Variants in WDFY2 observed in about 807,000 individuals in gnomAD.
WDFY2 encodes the protein WD repeat and FYVE domain containing 2, also known as WD repeat and FYVE domain-containing protein 2.
Under a neutral mutation model 56.4 loss-of-function variants are expected in WDFY2, and 36 were observed. The ratio of observed to expected loss-of-function variants is 0.64; its 90% CI spans 0.49 to 0.84. The LOEUF (loss-of-function observed/expected upper bound fraction) is 0.84. Among genes scored for constraint, WDFY2 ranks in the 40% least tolerant of loss-of-function variants. The pLI, the probability that WDFY2 is intolerant of heterozygous loss-of-function variation, is 0.00. For missense variants in WDFY2, 444 were observed against 512.2 expected, an observed-to-expected ratio of 0.87 and a Z score of 1.29; for synonymous variants, 176 against 183.7, an observed-to-expected ratio of 0.96 and a Z score of 0.34.
intron 3 of WDFY2, among the ~76,000 whole-genome samples, chr13:51,684,842 A>G (rs1313091735): frequency 1.3e-5 from 2 of 152,104 alleles, no homozygotes; most frequent in African/African-American, 4.8e-5. Flanking sequence ...GGATTGTTGC[A>G]GTAAGCCCTA....
At position 51,584,669 on chromosome 13, in the gene WDFY2, A is replaced by C. The variant is rs1363663990; in HGVS notation, c.-19A>C. ...GCGGCGCGGTTGGCGGCGGCGCCCC[A>C]GGCGCGCCCCCTCCTCCGATGGCGG... On this transcript the variant is annotated 5_prime_UTR_variant, in exon 1 of 12. Coordinates refer to ENST00000298125, the MANE Select transcript of WDFY2 (RefSeq NM_052950.4). The C allele has an allele frequency of 6.2e-7, 1 of 1,604,678 alleles. No individual in the cohort carries two copies. The highest frequency in any genetic ancestry group is 2.2e-5 in the East Asian group (1 of 44,670).
At chr13:51,620,863 C>T (rs182050942) in intron 1 of WDFY2, among the ~76,000 whole-genome samples, 4 of 152,260 alleles carry the variant, frequency 2.6e-5, no homozygotes, top group South Asian at 2.1e-4. Flanking sequence ...GGAAGTCGGA[C>T]GCACTCATCT....
intron 4 of WDFY2, among the ~76,000 whole-genome samples, chr13:51,713,051 AG>A (rs1952259730): frequency 1.3e-5 from 2 of 152,210 alleles, no homozygotes; most frequent in Admixed American, 1.3e-4. Flanking sequence ...GAAAAATTCA[AG>A]GAAGAGGCAA....
At chr13:51,660,036 G>A (rs900718684) in intron 1 of WDFY2, among the ~76,000 whole-genome samples, 2 of 152,180 alleles carry the variant, frequency 1.3e-5, no homozygotes, top group African/African-American at 4.8e-5. Flanking sequence ...ACACTATCAT[G>A]ATTACACATG....
intron 1 of WDFY2, among the ~76,000 whole-genome samples, chr13:51,597,235 C>T (rs915729617): frequency 2.0e-5 from 3 of 152,134 alleles, no homozygotes; most frequent in South Asian, 2.1e-4. Flanking sequence ...AGTGAACAAA[C>T]GGTTGAGTTC....
chr13:51,607,822 T>A (rs1257343225), intron 1 of WDFY2, among the ~76,000 whole-genome samples: 1 of 152,178 alleles, frequency 6.6e-6, no homozygotes, highest in Non-Finnish European at 1.5e-5. Context: ...ATCCTGTGAT[T>A]ATGTTACATG....
intron 1 of WDFY2, among the ~76,000 whole-genome samples, chr13:51,659,619 C>G (rs573626614): frequency 2.0e-4 from 31 of 152,330 alleles, no homozygotes; most frequent in African/African-American, 7.5e-4. Flanking sequence ...TACTTCCCAG[C>G]TAGTTGAGTC....
chr13:51,622,288 T>C (rs990755022), intron 1 of WDFY2, among the ~76,000 whole-genome samples: 3 of 152,204 alleles, frequency 2.0e-5, no homozygotes, highest in Non-Finnish European at 4.4e-5. Flanking sequence ...CCCCCCTCCT[T>C]TTTTTTGAGT....
intron 1 of WDFY2, among the ~76,000 whole-genome samples, chr13:51,601,853 C>G (rs1468343661): frequency 6.6e-6 from 1 of 152,142 alleles, no homozygotes; most frequent in Non-Finnish European, 1.5e-5. Flanking sequence ...GTGGAGCCTC[C>G]ATGGAAATCA....
Position 51,766,403 on chromosome 13 carries a change from A to C in WDFY2, c.*6634A>C, listed in dbSNP as rs1456581526. 6.6e-6 allele frequency: 1 copy of C among 152,214 alleles called. No homozygotes were observed. Among genetic ancestry groups the C allele is most frequent in the Non-Finnish European group, 1.5e-5 (1 of 68,044 alleles). 9.4% of individuals were successfully genotyped at this position (152,214 alleles called of 1,614,324 possible). A position where few individuals can be genotyped will look rare whatever the true frequency, so the allele number is the denominator to read the frequency against. ...AAGTCTGGACCTGGCTGCAGTGGGC[A>C]TATTACCGTATGGATATCTTTTTCT... On this transcript the variant is annotated 3_prime_UTR_variant, in exon 12 of 12. Coordinates refer to ENST00000298125, the MANE Select transcript of WDFY2 (RefSeq NM_052950.4).
intron 1 of WDFY2, among the ~76,000 whole-genome samples, chr13:51,630,888 C>T (rs1049045117): frequency 1.3e-5 from 2 of 151,604 alleles, no homozygotes; most frequent in African/African-American, 4.8e-5. Flanking sequence ...AAGCGATTCT[C>T]CTGCCTCAGC....
Position 51,743,876 on chromosome 13 carries a change from A to G in WDFY2, c.725+4701A>G, listed in dbSNP as rs150363035. 7.4e-4 allele frequency among the ~76,000 whole-genome samples: 113 copies of G among 152,364 alleles called. 1 individual carries two copies. The East Asian group carries it at 0.02, about 27-fold the overall frequency. ...AGGATTAGGAGGTTACCCAGAACAG[A>G]GAATGGCATGAACTAAAATACAGTG... On this transcript the variant is annotated intron_variant, in intron 7 of 11. Transcript: ENST00000298125.
intron 6 of WDFY2, among the ~76,000 whole-genome samples, chr13:51,734,456 C>T (rs1449201978): frequency 2.0e-5 from 3 of 152,056 alleles, no homozygotes; most frequent in African/African-American, 7.2e-5. Flanking sequence ...ATTAGCCAAC[C>T]ACTAACAGTT....
In WDFY2 at chr13:51,762,921, T is replaced by G. The variant is rs1488775232; in HGVS notation, c.*3152T>G. The G allele has an allele frequency of 6.6e-6, 1 of 152,242 alleles. No individual in the cohort carries two copies. The highest frequency in any genetic ancestry group is 1.5e-5 in the Non-Finnish European group (1 of 68,032). The allele number at this position is 152,242 out of a possible 1,614,324, so 9.4% of individuals were successfully genotyped here. A position where few individuals can be genotyped will look rare whatever the true frequency, so the allele number is the denominator to read the frequency against. ...AATGACATTACTTGACATTACTGCC[T>G]GAGTGTATCTTCACAATAGCAAAAT... On this transcript the variant is annotated 3_prime_UTR_variant, in exon 12 of 12. Coordinates refer to ENST00000298125, the MANE Select transcript of WDFY2 (RefSeq NM_052950.4).
chr13:51,622,531 G>T (rs1954752168), intron 1 of WDFY2, among the ~76,000 whole-genome samples: 1 of 152,212 alleles, frequency 6.6e-6, no homozygotes, highest in Admixed American at 6.5e-5. Context: ...AGATACAGCT[G>T]AAGCAGTTTA....
chr13:51,600,136 G>A (rs1954240512), intron 1 of WDFY2, among the ~76,000 whole-genome samples: 1 of 152,098 alleles, frequency 6.6e-6, no homozygotes, highest in South Asian at 2.1e-4. Context: ...TATCTCTCAA[G>A]ACCTCTAGAT....
chr13:51,689,443 T>A (rs1956113192), intron 3 of WDFY2, among the ~76,000 whole-genome samples: 1 of 152,186 alleles, frequency 6.6e-6, no homozygotes, highest in South Asian at 2.1e-4. Flanking sequence ...TTGTAGGTGA[T>A]ATATGGAATC....
intron 2 of WDFY2, among the ~76,000 whole-genome samples, chr13:51,662,597 T>G (rs1014672170): frequency 6.6e-6 from 1 of 152,250 alleles, no homozygotes. Flanking sequence ...CCTGTAATGC[T>G]GTCTTTATTT....
rs1388989294 is a variant in WDFY2 at position 51,760,023 on chromosome 13, T to C, written c.*254T>C. 2.5e-6 allele frequency: 1 copy of C among 402,488 alleles called. No homozygotes were observed. Among genetic ancestry groups the C allele is most frequent in the Admixed American group, 4.0e-5 (1 of 25,250 alleles). The allele number at this position is 402,488 out of a possible 1,614,324, so 24.9% of individuals were successfully genotyped here. A position where few individuals can be genotyped will look rare whatever the true frequency, so the allele number is the denominator to read the frequency against. ...AATGGTTTATACAGTCTGGCTGTGC[T>C]GCATTGTTTTGAGTGTACCGAAAAA... On this transcript the variant is annotated 3_prime_UTR_variant, in exon 12 of 12. Coordinates refer to ENST00000298125, the MANE Select transcript of WDFY2 (RefSeq NM_052950.4).
Sources: allele counts gnomAD v4.1 joint callset (sites outside exome capture counted in the v4.1 genomes callset), GRCh38; gene constraint gnomAD v4.1.1; transcripts MANE v1.5; gene names NCBI Gene and HGNC (gene_info 2026-07-23, HGNC 2026-07-21).